ATF2: variants seen among roughly 807,000 people sequenced by gnomAD.
ATF2 encodes the protein cyclic AMP-dependent transcription factor ATF-2.
A neutral mutation model predicts 60.6 loss-of-function variants in ATF2; 24 were observed. The ratio of observed to expected loss-of-function variants is 0.40; its 90% CI spans 0.29 to 0.56. The LOEUF (loss-of-function observed/expected upper bound fraction) is 0.56, where lower values mean the gene tolerates loss of function less well. Among genes scored for constraint, ATF2 ranks in the 20% least tolerant of loss-of-function variants. The pLI is 0.54. For synonymous variants in ATF2, 206 were observed against 215.4 expected (o/e 0.96, Z 0.38); for missense variants, 433 against 607.7 (o/e 0.71, Z 3.02).
At chr2:175,106,477 G>A (rs1695673285) in intron 10 of ATF2, among the ~76,000 whole-genome samples, 1 of 151,706 alleles carries the variant, frequency 6.6e-6, no homozygotes, top group African/African-American at 2.4e-5. Context: ...AGTGAGCCAA[G>A]ATCTCACCAC....
intron 4 of ATF2, among the ~76,000 whole-genome samples, 180 bp from the exon 5 acceptor site, chr2:175,121,720 G>A (rs926610344): frequency 6.0e-5 from 9 of 151,054 alleles, no homozygotes; most frequent in African/African-American, 2.2e-4. Flanking sequence ...AACAATCACA[G>A]AGAAACCTAT....
chr2:175,096,298 A>G (rs999034767), intron 11 of ATF2, among the ~76,000 whole-genome samples: 55 of 152,338 alleles, frequency 3.6e-4, no homozygotes, highest in African/African-American at 1.1e-3. Flanking sequence ...CAAACTAGAG[A>G]TAAGTGAAAG....
intron 2 of ATF2, among the ~76,000 whole-genome samples, chr2:175,138,582 C>T (rs970492567): frequency 6.6e-6 from 1 of 152,178 alleles, no homozygotes; most frequent in Admixed American, 6.5e-5. Flanking sequence ...GCCCATTTAA[C>T]AGTATCAGAC....
chr2:175,108,280 G>A (rs1695860177), intron 10 of ATF2, among the ~76,000 whole-genome samples: 2 of 152,034 alleles, frequency 1.3e-5, no homozygotes, highest in African/African-American at 4.8e-5. Context: ...TGGGAAGCCA[G>A]GAGCGTCTCC....
intron 1 of ATF2, among the ~76,000 whole-genome samples, chr2:175,156,751 C>G (rs116504513): frequency 0.02 from 3,085 of 152,332 alleles, 48 homozygotes; most frequent in Non-Finnish European, 0.028. Context: ...CCAACGCACT[C>G]ATCTTGGCTT....
At chr2:175,080,855 C>T (rs936760296) in intron 12 of ATF2, 90 bp from the exon 13 acceptor site, 6 of 960,784 alleles carry the variant, frequency 6.2e-6, no homozygotes, top group African/African-American at 4.9e-5. Flanking sequence ...TAAAATTGGA[C>T]ATCACTGGCA....
intron 2 of ATF2, among the ~76,000 whole-genome samples, chr2:175,148,594 T>A (rs1337094630): frequency 6.6e-6 from 1 of 152,064 alleles, no homozygotes; most frequent in Non-Finnish European, 1.5e-5. Context: ...TATACCCTCC[T>A]CCCGTTGAAA....
intron 4 of ATF2, among the ~76,000 whole-genome samples, chr2:175,122,689 T>TAGA (rs1574422463): frequency 6.6e-6 from 1 of 152,054 alleles, no homozygotes; most frequent in East Asian, 1.9e-4. Context: ...CACAATGCCT[T>TAGA]GGTTATAGCA....
rs1027395157 is a variant in ATF2, at chr2:175,094,991, C to T, written c.979-1724G>A. The stretch of plus-strand genomic sequence containing the variant: ...TAAAGATTAAGCATTTAAATTAGAG[C>T]GTTTATTTTACTTACATAATTGCAA... On this transcript the variant is annotated intron_variant, in intron 11 of 13. Transcript: ENST00000264110. 3.9e-5 allele frequency among the ~76,000 whole-genome samples: 6 copies of T among 151,960 alleles called. No homozygotes were observed. In the East Asian group the frequency reaches 5.8e-4, roughly 15 times the overall value.
At chr2:175,136,525 C>A in intron 2 of ATF2, 39 bp from the exon 3 acceptor site, 1 of 1,272,282 alleles carries the variant, frequency 7.9e-7, no homozygotes, top group South Asian at 1.3e-5. Context: ...AAAAATAGTT[C>A]TGAAACACTT....
intron 10 of ATF2, among the ~76,000 whole-genome samples, chr2:175,102,774 G>A (rs1224269461): frequency 6.6e-6 from 1 of 151,404 alleles, no homozygotes; most frequent in East Asian, 1.9e-4. Flanking sequence ...AAAAAAAAAA[G>A]GAGGACTTTA....
At chr2:175,099,411 A>G (rs1695165041) in intron 10 of ATF2, among the ~76,000 whole-genome samples, 1 of 152,054 alleles carries the variant, frequency 6.6e-6, no homozygotes, top group Admixed American at 6.6e-5. Flanking sequence ...CCTCTATTGA[A>G]TTTTAACAAA....
chr2:175,159,939 G>GAAAAAATTCATT (rs1225845969), intron 1 of ATF2, among the ~76,000 whole-genome samples: 2 of 152,088 alleles, frequency 1.3e-5, no homozygotes, highest in Non-Finnish European at 2.9e-5. Flanking sequence ...ACCTTTCATT[G>GAAAAAATTCATT]CTTTTTTTCT....
At position 175,072,980 on chromosome 2, in the gene ATF2, C is replaced by T. The variant is rs1027604749; in HGVS notation, c.*1629G>A. The T allele has an allele frequency of 3.3e-5, 5 of 152,060 alleles. No individual in the cohort carries two copies. Among genetic ancestry groups the T allele is most frequent in the Non-Finnish European group, 1.5e-5 (1 of 68,002 alleles). 9.4% of individuals were successfully genotyped at this position (152,060 alleles called of 1,614,324 possible). On this transcript the variant is annotated 3_prime_UTR_variant, in exon 14 of 14. Transcript: ENST00000264110. Reference sequence around the variant, plus strand: ...ATACAGACTTTTAAAATGTCAGTCTCATTAGGAGATGGCACTGAGACTTTA... The same window carrying T: ...ATACAGACTTTTAAAATGTCAGTCTTATTAGGAGATGGCACTGAGACTTTA...
Position 175,074,823 on chromosome 2 carries a change from T to C in ATF2, c.1304A>G (p.Asp435Gly), listed in dbSNP as rs751503459. 3 of 1,613,472 alleles carry C rather than the reference T, an allele frequency of 1.9e-6. No individual in the cohort carries two copies. Among genetic ancestry groups the C allele is most frequent in the Admixed American group, 3.3e-5 (2 of 59,884 alleles). ...CACTGAAATGTCTTCTGAACTATCA[T>C]CTTTATCAGCAGCTGGGTGGAAAAA... is the stretch of plus-strand genomic sequence containing the variant. ...KKSGYHTADK[D>G]DSSEDISVPS... The change falls in exon 14 of 14, where the codon GAT becomes GGT. Residue 435 changes from aspartate to glycine, a missense_variant. By Grantham distance (94) the Asp-to-Gly change is moderately conservative (BLOSUM62 -1). Transcript: ENST00000264110.
At chr2:175,138,647 T>TA (rs1698294624) in intron 2 of ATF2, among the ~76,000 whole-genome samples, 2 of 152,186 alleles carry the variant, frequency 1.3e-5, no homozygotes, top group Admixed American at 6.5e-5. Context: ...TAGCTCTCCC[T>TA]AAAATATACC....
intron 11 of ATF2, among the ~76,000 whole-genome samples, chr2:175,094,654 C>T (rs1428934800): frequency 6.6e-6 from 1 of 152,158 alleles, no homozygotes; most frequent in African/African-American, 2.4e-5. Flanking sequence ...CTATTTTTCA[C>T]TCTAACAAAT....
At chr2:175,140,728 C>T (rs1698444264) in intron 2 of ATF2, among the ~76,000 whole-genome samples, 1 of 151,080 alleles carries the variant, frequency 6.6e-6, no homozygotes, top group Non-Finnish European at 1.5e-5. Flanking sequence ...ATGGCTCACA[C>T]CTGTAATGAT....
chr2:175,090,402 G>A (rs1003363240), intron 12 of ATF2, among the ~76,000 whole-genome samples: 1 of 151,930 alleles, frequency 6.6e-6, no homozygotes, highest in African/African-American at 2.4e-5. Flanking sequence ...ATTCATCTTG[G>A]ATGGACATTT....
Sources: gnomAD v4.1 joint callset for allele counts (sites outside exome capture counted in the v4.1 genomes callset) on GRCh38, gnomAD v4.1.1 for gene constraint, MANE v1.5 for transcripts, NCBI Gene and HGNC (gene_info 2026-07-23, HGNC 2026-07-21) for gene names.